The following GLRX3 variants were observed in gnomAD, a reference collection of about 807,000 sequenced individuals.
GLRX3 encodes glutaredoxin 3.
GLRX3 carries 22 observed loss-of-function variants against 49.5 expected under a neutral mutation model. The ratio of observed to expected loss-of-function variants is 0.44; its 90% confidence interval spans 0.32 to 0.63. The LOEUF is 0.63. Ranked by LOEUF, GLRX3 falls within the 30% of genes least tolerant of loss-of-function variation. The pLI, the probability that GLRX3 is intolerant of heterozygous loss-of-function variation, is 0.05. For synonymous variants in GLRX3, 133 were observed against 140.0 expected (o/e 0.95, Z 0.35); for missense variants, 385 against 396.3 (o/e 0.97, Z 0.24).
chr10:130,174,483 C>T (rs1016425769), intron 8 of GLRX3, among the ~76,000 whole-genome samples: 2 of 152,248 alleles, frequency 1.3e-5, no homozygotes, highest in African/African-American at 4.8e-5. Context: ...TGGCACATAG[C>T]CACATCCCTT....
chr10:130,143,894 T>G (rs1461078014), intron 1 of GLRX3, among the ~76,000 whole-genome samples: 1 of 152,100 alleles, frequency 6.6e-6, no homozygotes, highest in African/African-American at 2.4e-5. Flanking sequence ...AGTTGGGGTT[T>G]CACCACATTA....
At chr10:130,159,883 C>T (rs1862540906) in intron 2 of GLRX3, 112 bp from the exon 3 acceptor site, 2 of 1,345,688 alleles carry the variant, frequency 1.5e-6, no homozygotes, top group African/African-American at 1.5e-5. Flanking sequence ...GTACCATGCT[C>T]TTTAAAAAAT....
In GLRX3 at chr10:130,174,898, G is replaced by A. The variant is rs781036631; in HGVS notation, c.856G>A (p.Asp286Asn). Residue 286 changes from aspartate (D) to asparagine (N), a missense_variant, in exon 9 of 11, where the codon GAT becomes AAT. Physicochemically the swap from Asp to Asn is conservative, Grantham distance 23. This residue lies in a region of GLRX3 where 374 missense variants were observed against 358.6 expected (regional missense o/e 1.04). Transcript: ENST00000331244. ...ATATGAAACATTCGATATATTGGAGGATGAAGAAGTAAGTTCTGTGTTTGA... is the reference window on the plus strand; with the variant it reads ...ATATGAAACATTCGATATATTGGAGAATGAAGAAGTAAGTTCTGTGTTTGA... The part of the protein sequence containing the change: ...VEYETFDILE[D>N]EEVRQGLKAY... 6.3e-7 allele frequency: 1 copy of A among 1,598,714 alleles called. No individual in the cohort carries two copies. The highest frequency in any genetic ancestry group is 1.1e-5 in the South Asian group (1 of 90,750).
At chr10:130,173,999 C>T (rs1439250987) in intron 8 of GLRX3, among the ~76,000 whole-genome samples, 1 of 152,192 alleles carries the variant, frequency 6.6e-6, no homozygotes, top group Non-Finnish European at 1.5e-5. Context: ...CCCTCAGGCA[C>T]CCTGCAAGGA....
At chr10:130,155,946 T>TTACTGAAGGA (rs1308736999) in intron 2 of GLRX3, among the ~76,000 whole-genome samples, 1 of 152,136 alleles carries the variant, frequency 6.6e-6, no homozygotes, top group Non-Finnish European at 1.5e-5. Context: ...GTGGTCACTG[T>TTACTGAAGGA]TACTGAAGGA....
At chr10:130,172,253 T>C (rs1862825307) in intron 8 of GLRX3, among the ~76,000 whole-genome samples, 2 of 152,152 alleles carry the variant, frequency 1.3e-5, no homozygotes, top group Non-Finnish European at 2.9e-5. Flanking sequence ...ATATTATAGG[T>C]AGTTTTTAAT....
intron 4 of GLRX3, among the ~76,000 whole-genome samples, 156 bp downstream of exon 4, chr10:130,161,153 A>G (rs1339436151): frequency 1.2e-4 from 18 of 152,224 alleles, no homozygotes; most frequent in Non-Finnish European, 2.4e-4. Flanking sequence ...ATAATTCCCA[A>G]TGACACTATA....
chr10:130,142,808 C>G (rs1441758208), intron 1 of GLRX3, among the ~76,000 whole-genome samples: 1 of 123,346 alleles, frequency 8.1e-6, no homozygotes, highest in Non-Finnish European at 1.8e-5. Flanking sequence ...CGCCTAGGAC[C>G]CCTTAATCTT....
chr10:130,148,701 T>G, intron 2 of GLRX3, among the ~76,000 whole-genome samples: 1 of 152,084 alleles, frequency 6.6e-6, no homozygotes, highest in East Asian at 1.9e-4. Flanking sequence ...AATTGAATGC[T>G]GAAAGACAAG....
chr10:130,141,806 C>T (rs1172065205), intron 1 of GLRX3, among the ~76,000 whole-genome samples: 1 of 152,120 alleles, frequency 6.6e-6, no homozygotes, highest in Non-Finnish European at 1.5e-5. Context: ...TTGTTCTTGC[C>T]ATCCTTAGGC....
intron 8 of GLRX3, among the ~76,000 whole-genome samples, chr10:130,172,370 T>G (rs17297991): frequency 0.1 from 15,230 of 152,304 alleles, 785 homozygotes; most frequent in Middle Eastern, 0.13. Context: ...GCAGTGCTCC[T>G]AGTTTTGATG....
At chr10:130,156,834 A>G (rs1030851984) in intron 2 of GLRX3, among the ~76,000 whole-genome samples, 2 of 152,166 alleles carry the variant, frequency 1.3e-5, no homozygotes, top group Non-Finnish European at 2.9e-5. Flanking sequence ...AGTGGTTCCC[A>G]CTTGAGGCAT....
At chr10:130,177,823 G>C (rs1019459026) in intron 10 of GLRX3, among the ~76,000 whole-genome samples, 1 of 152,162 alleles carries the variant, frequency 6.6e-6, no homozygotes, top group African/African-American at 2.4e-5. Flanking sequence ...ATCCAGAGGA[G>C]GTCATACGGA....
intron 2 of GLRX3, among the ~76,000 whole-genome samples, chr10:130,152,401 G>A (rs1208968340): frequency 1.3e-5 from 2 of 152,154 alleles, no homozygotes; most frequent in Admixed American, 1.3e-4. Flanking sequence ...TCATAGTGTC[G>A]ATGGTGTTTC....
At chr10:130,141,869 G>A (rs1862181676) in intron 1 of GLRX3, among the ~76,000 whole-genome samples, 1 of 152,174 alleles carries the variant, frequency 6.6e-6, no homozygotes, top group Non-Finnish European at 1.5e-5. Context: ...GCTATGGTGG[G>A]CAGAGGCTCC....
At chr10:130,148,875 C>T (rs1004479052) in intron 2 of GLRX3, among the ~76,000 whole-genome samples, 2 of 151,858 alleles carry the variant, frequency 1.3e-5, no homozygotes, top group African/African-American at 4.8e-5. Context: ...CCAGCCTGGG[C>T]AACATAGGGA....
intron 1 of GLRX3, among the ~76,000 whole-genome samples, chr10:130,140,408 A>G (rs1238310715): frequency 3.3e-5 from 5 of 152,212 alleles, no homozygotes; most frequent in African/African-American, 1.2e-4. Context: ...TTTGTTTCAG[A>G]TATAGTATGT....
At chr10:130,156,833 C>T (rs1338347796) in intron 2 of GLRX3, among the ~76,000 whole-genome samples, 1 of 152,170 alleles carries the variant, frequency 6.6e-6, no homozygotes, top group Non-Finnish European at 1.5e-5. Flanking sequence ...AAGTGGTTCC[C>T]ACTTGAGGCA....
At chr10:130,167,492 CAT>C (rs1271205618) in intron 6 of GLRX3, among the ~76,000 whole-genome samples, 3 of 152,262 alleles carry the variant, frequency 2.0e-5, no homozygotes, top group Non-Finnish European at 4.4e-5. Context: ...AGGTGTGAAA[CAT>C]GTATTTGTTT....
Sources: gnomAD v4.1 joint callset for allele counts (sites outside exome capture counted in the v4.1 genomes callset) on GRCh38, gnomAD v4.1.1 for gene constraint, gnomAD v4.1.1 regional missense constraint, MANE v1.5 for transcripts, NCBI Gene and HGNC (gene_info 2026-07-23, HGNC 2026-07-21) for gene names.